Variants in ALMS1 observed in about 807,000 individuals in gnomAD.
ALMS1 encodes the protein ALMS1 centrosome and basal body associated protein, also known as centrosome-associated protein ALMS1.
A neutral mutation model predicts 352.2 loss-of-function variants in ALMS1; 271 were observed. The observed-to-expected ratio is 0.77, with a 90% confidence interval of 0.70 to 0.85. The LOEUF is 0.85. Among genes scored for constraint, ALMS1 ranks in the 40% least tolerant of loss-of-function variants. The pLI is 0.00. For synonymous variants in ALMS1, 1,865 were observed against 1,761.2 expected (o/e 1.06, Z -1.48); for missense variants, 5,445 against 4,870.7 (o/e 1.12, Z -3.51).
chr2:73,602,912 T>C (rs909911136), intron 20 of ALMS1, among the ~76,000 whole-genome samples: 1 of 152,212 alleles, frequency 6.6e-6, no homozygotes, highest in African/African-American at 2.4e-5. Context: ...TCTGCATTCT[T>C]AACAATTATG....
At chr2:73,493,840 A>G (rs1424432731) in intron 10 of ALMS1, among the ~76,000 whole-genome samples, 1 of 152,240 alleles carries the variant, frequency 6.6e-6, no homozygotes, top group African/African-American at 2.4e-5. Flanking sequence ...GAAATAGCAC[A>G]GAGAGTTTCT....
chr2:73,452,395 A>G lies in ALMS1; in HGVS notation c.5868A>G (p.Pro1956=), dbSNP rs1240212415. 6.2e-7 allele frequency: 1 copy of G among 1,614,058 alleles called. No individual in the cohort carries two copies. The highest frequency in any genetic ancestry group is 8.5e-7 in the Non-Finnish European group (1 of 1,179,988). ...KPSVISQQEL[P]DSHLTEEALK... is the part of the protein sequence containing the mutation. ...GTGTTATCTCTCAACAGGAGTTGCC[A>G]GACAGTCATCTCACAGAAGAGGCTC... is the stretch of plus-strand genomic sequence containing the variant. The change falls in exon 8 of 23, where the codon CCA becomes CCG. Residue 1956 remains proline, a synonymous_variant. Transcript: ENST00000613296.
intron 10 of ALMS1, among the ~76,000 whole-genome samples, chr2:73,508,707 G>T (rs1414808358): frequency 6.6e-6 from 1 of 152,072 alleles, no homozygotes; most frequent in East Asian, 1.9e-4. Context: ...TGTCTATTAG[G>T]TCTGCTTGGT....
intron 9 of ALMS1, 68 bp downstream of exon 9, chr2:73,455,363 A>T: frequency 6.3e-7 from 1 of 1,593,944 alleles, no homozygotes; most frequent in South Asian, 1.1e-5. Flanking sequence ...AGGATCTCTT[A>T]CTTGGGCATC....
chr2:73,429,684 C>A (rs1671462471), intron 6 of ALMS1, among the ~76,000 whole-genome samples: 2 of 152,144 alleles, frequency 1.3e-5, no homozygotes, highest in South Asian at 2.1e-4. Context: ...TATCCCCCCA[C>A]CTTTGGAGAC....
intron 11 of ALMS1, among the ~76,000 whole-genome samples, chr2:73,529,478 G>T (rs1673863873): frequency 6.6e-6 from 1 of 152,190 alleles, no homozygotes; most frequent in Non-Finnish European, 1.5e-5. Context: ...GTGGATATTT[G>T]TTGGTGTCTG....
intron 1 of ALMS1, among the ~76,000 whole-genome samples, chr2:73,403,430 A>G (rs980354655): frequency 2.6e-5 from 4 of 152,182 alleles, no homozygotes; most frequent in Non-Finnish European, 4.4e-5. Context: ...TTGGGTTACT[A>G]TAACTTTGTA....
chr2:73,561,492 T>C (rs541367890), intron 15 of ALMS1, among the ~76,000 whole-genome samples: 248 of 152,298 alleles, frequency 1.6e-3, no homozygotes, highest in South Asian at 5.0e-3. Flanking sequence ...TATTTTTCTT[T>C]AATTTCCCAC....
Position 73,550,282 on chromosome 2 carries a change from T to G in ALMS1, c.9923T>G (p.Ile3308Ser). 6.2e-7 allele frequency: 1 copy of G among 1,614,082 alleles called. No individual in the cohort carries two copies. Among genetic ancestry groups the G allele is most frequent in the South Asian group, 1.1e-5 (1 of 91,056 alleles). ...ESSHSGSNDA[I>S]APDFPAQVLG... is the part of the protein sequence containing the mutation. ...TTTTCTGTAGGATCCAATGATGCCATTGCTCCAGACTTCCCAGCTCAGGTG... is the reference window on the plus strand; with the variant it reads ...TTTTCTGTAGGATCCAATGATGCCAGTGCTCCAGACTTCCCAGCTCAGGTG... Residue 3308 changes from isoleucine to serine, a missense_variant, in exon 13 of 23, where the codon ATT becomes AGT. Transcript: ENST00000613296.
At chr2:73,396,527 G>GT (rs1428699231) in intron 1 of ALMS1, among the ~76,000 whole-genome samples, 1 of 130,984 alleles carries the variant, frequency 7.6e-6, no homozygotes, top group Non-Finnish European at 1.6e-5. Context: ...AGTTCGATAG[G>GT]TTACATCAAA....
rs755365899 is a variant in ALMS1, at chr2:73,450,145, G to A, written c.3618G>A (p.Leu1206=). 1 of 1,613,986 alleles carries A rather than the reference G, an allele frequency of 6.2e-7. No homozygotes were observed. Among genetic ancestry groups the A allele is most frequent in the Middle Eastern group, 1.6e-4 (1 of 6,062 alleles). ...CTGGTATTTTCTATCAACAGACCTT[G>A]CCAGGTAGTCACATACCTGAAGAGG... ...EKPGIFYQQT[L]PGSHIPEEAQ... Residue 1206 remains leucine (L), a synonymous_variant, in exon 8 of 23, where the codon TTG becomes TTA. Coordinates refer to ENST00000613296, the MANE Select transcript of ALMS1 (RefSeq NM_001378454.1).
chr2:73,569,676 A>G (rs577026310), intron 15 of ALMS1, among the ~76,000 whole-genome samples: 3 of 152,324 alleles, frequency 2.0e-5, no homozygotes, highest in East Asian at 1.9e-4. Context: ...CCTCTGCTTT[A>G]TAAATGAAAT....
intron 9 of ALMS1, among the ~76,000 whole-genome samples, chr2:73,465,169 T>C (rs1406096055): frequency 2.0e-4 from 31 of 151,620 alleles, no homozygotes; most frequent in African/African-American, 4.4e-4. Flanking sequence ...AAAAAGAGCC[T>C]GCATCGCCAA....
intron 1 of ALMS1, among the ~76,000 whole-genome samples, chr2:73,403,379 A>G (rs1311366723): frequency 3.3e-5 from 5 of 152,036 alleles, no homozygotes; most frequent in Non-Finnish European, 1.5e-5. Flanking sequence ...ATTCTGTTCC[A>G]TTGGTTTACA....
In ALMS1 at chr2:73,385,903, T is replaced by TCGAGGAGGAGGAGGA. The variant is rs764804760; in HGVS notation, c.35_36insCGAGGAGGAGGAGGA (p.Glu24_Glu28dup). 10 of 700,560 alleles carry TCGAGGAGGAGGAGGA rather than the reference T, an allele frequency of 1.4e-5. No homozygotes were observed. The East Asian group carries it at 2.8e-4, about 20-fold the overall frequency. The allele number at this position is 700,560 out of a possible 1,614,324, so 43.4% of individuals were successfully genotyped here. On this transcript the variant is annotated inframe_insertion, in exon 1 of 23. Transcript: ENST00000613296. ...GAGGATCTGCCATGGCCGGGCGAGC[T>TCGAGGAGGAGGAGGA]GGAGGAGGAGGAGGAGGAGGAGGAG...
chr2:73,594,940 G>A (rs893703542), intron 16 of ALMS1, among the ~76,000 whole-genome samples: 1 of 152,126 alleles, frequency 6.6e-6, no homozygotes, highest in African/African-American at 2.4e-5. Context: ...TGTGCTTCAG[G>A]TAGTGAGAGC....
intron 17 of ALMS1, 107 bp downstream of exon 17, chr2:73,599,628 A>G (rs1349293502): frequency 7.6e-7 from 1 of 1,323,692 alleles, no homozygotes; most frequent in African/African-American, 1.5e-5. Flanking sequence ...ATAAAACTAT[A>G]TCCAACTGCC....
chr2:73,589,177 T>C (rs1229268516), intron 16 of ALMS1, among the ~76,000 whole-genome samples: 1 of 151,728 alleles, frequency 6.6e-6, no homozygotes, highest in African/African-American at 2.4e-5. Context: ...TAAAAGTTGT[T>C]TTTGTTTAAC....
At chr2:73,607,303 T>C (rs957342125) in intron 21 of ALMS1, among the ~76,000 whole-genome samples, 3 of 152,230 alleles carry the variant, frequency 2.0e-5, no homozygotes, top group Non-Finnish European at 4.4e-5. Flanking sequence ...TTGTAACATA[T>C]ACATTCCATT....
Sources: allele counts gnomAD v4.1 joint callset (sites outside exome capture counted in the v4.1 genomes callset), GRCh38; gene constraint gnomAD v4.1.1; transcripts MANE v1.5; gene names NCBI Gene and HGNC (gene_info 2026-07-23, HGNC 2026-07-21).